The following DGKB variants were observed in gnomAD, a reference collection of about 807,000 sequenced individuals.
The protein encoded by DGKB is diacylglycerol kinase beta, also known as 90 kDa diacylglycerol kinase.
In DGKB, 67 loss-of-function variants were observed where a neutral mutation model predicts 114.3. The ratio of observed to expected loss-of-function variants is 0.59; its 90% CI spans 0.48 to 0.72. The LOEUF (loss-of-function observed/expected upper bound fraction) is 0.72, where lower values mean the gene tolerates loss of function less well. Ranked by LOEUF, DGKB falls within the 30% of genes least tolerant of loss-of-function variation. The pLI is 0.00. For missense variants in DGKB, 907 were observed against 975.2 expected (o/e 0.93, Z 0.93); for synonymous variants, 398 against 323.1 (o/e 1.23, Z -2.49).
chr7:14,461,322 GT>G (rs35867012), intron 21 of DGKB, among the ~76,000 whole-genome samples: 4,421 of 145,186 alleles, frequency 0.03, 207 homozygotes, highest in East Asian at 0.11. Flanking sequence ...TCCAGGAGCT[GT>G]TTTTTTTTTT....
chr7:14,644,766 A>G (rs1812576849), intron 13 of DGKB, among the ~76,000 whole-genome samples: 1 of 152,236 alleles, frequency 6.6e-6, no homozygotes, highest in African/African-American at 2.4e-5. Context: ...AGATGGGGAA[A>G]GACATGGAAA....
intron 20 of DGKB, among the ~76,000 whole-genome samples, chr7:14,485,223 A>G (rs1221907653): frequency 1.3e-5 from 2 of 151,574 alleles, no homozygotes; most frequent in African/African-American, 4.9e-5. Flanking sequence ...GCTCTTCTAA[A>G]TGCGAGCACA....
rs936052466 is a variant in DGKB, at chr7:14,257,178, T to TA, written c.2123-79028dup. On this transcript the variant is annotated intron_variant, in intron 23 of 25. Coordinates refer to ENST00000402815, the MANE Select transcript of DGKB (RefSeq NM_001350709.2). ...TATTCTGTCATTTATTAGAATAAAA[T>TA]AAAAAAATTTATTCTGTTACTAGAA... 7.2e-5 allele frequency among the ~76,000 whole-genome samples: 11 copies of TA among 152,218 alleles called. No individual in the cohort carries two copies. The South Asian group carries it at 1.7e-3, about 23-fold the overall frequency.
intron 8 of DGKB, among the ~76,000 whole-genome samples, chr7:14,696,222 G>A (rs571995159): frequency 2.0e-4 from 31 of 152,150 alleles, no homozygotes; most frequent in Non-Finnish European, 4.3e-4. Context: ...GGCCGGGCGC[G>A]GTGGCTCACG....
intron 13 of DGKB, among the ~76,000 whole-genome samples, chr7:14,631,100 G>A (rs1211431607): frequency 6.6e-6 from 1 of 151,480 alleles, no homozygotes; most frequent in Non-Finnish European, 1.5e-5. Flanking sequence ...TTGTGTCCCT[G>A]AAAAGAAGGA....
intron 20 of DGKB, among the ~76,000 whole-genome samples, chr7:14,524,542 G>A (rs1790319394): frequency 6.6e-6 from 1 of 152,242 alleles, no homozygotes; most frequent in Non-Finnish European, 1.5e-5. Context: ...GAGCACCTGA[G>A]GTCAGGAGTT....
intron 21 of DGKB, among the ~76,000 whole-genome samples, chr7:14,388,629 T>G (rs1029288523): frequency 4.6e-5 from 7 of 151,948 alleles, no homozygotes; most frequent in African/African-American, 1.2e-4. Flanking sequence ...GAAAAATGAT[T>G]GATATTATAT....
Position 14,483,962 on chromosome 7 carries a change from A to G in DGKB, c.1771-5737T>C, listed in dbSNP as rs1015937389. Among the ~76,000 whole-genome samples, 8 of 151,978 alleles carry G rather than the reference A, an allele frequency of 5.3e-5. No individual in the cohort carries two copies. The East Asian group carries it at 5.8e-4, about 11-fold the overall frequency. ...TGTGAGACAATACATTTCTGTTGTT[A>G]TAAGTCAACAGGTTTGTGGTAATTT... is the stretch of plus-strand genomic sequence containing the variant. On this transcript the variant is annotated intron_variant, in intron 20 of 25. Coordinates refer to ENST00000402815, the MANE Select transcript of DGKB (RefSeq NM_001350709.2).
chr7:14,881,786 A>C (rs1164652845), intron 1 of DGKB, among the ~76,000 whole-genome samples: 2 of 152,102 alleles, frequency 1.3e-5, no homozygotes, highest in African/African-American at 2.4e-5. Flanking sequence ...TTCTTCTTTC[A>C]GAAAAATTTA....
At chr7:14,170,098 C>T (rs143666782) in intron 25 of DGKB, among the ~76,000 whole-genome samples, 230 of 143,424 alleles carry the variant, frequency 1.6e-3, no homozygotes, top group African/African-American at 5.5e-3. Flanking sequence ...CACACCATTG[C>T]ACTCCAGCCT....
At chr7:14,789,854 A>G (rs2128504626) in intron 2 of DGKB, among the ~76,000 whole-genome samples, 1 of 152,320 alleles carries the variant, frequency 6.6e-6, no homozygotes, top group African/African-American at 2.4e-5. Context: ...TAGTTTTTTA[A>G]GAAATGGCCA....
intron 21 of DGKB, among the ~76,000 whole-genome samples, chr7:14,463,453 T>C (rs10239079): frequency 0.051 from 7,729 of 152,250 alleles, 485 homozygotes; most frequent in African/African-American, 0.13. Context: ...AAAACCTTCC[T>C]AATCAGCACT....
rs893063438 is a variant in DGKB, at chr7:14,300,994, G to T, written c.2122+37521C>A. The stretch of plus-strand genomic sequence containing the variant: ...TGGATGCAGATTAGATTGGATTTTA[G>T]CTTTCCTACACTATTAAACATCACT... On this transcript the variant is annotated intron_variant, in intron 23 of 25. Coordinates refer to ENST00000402815, the MANE Select transcript of DGKB (RefSeq NM_001350709.2). Among the ~76,000 whole-genome samples the T allele has an allele frequency of 4.1e-4, 63 of 151,856 alleles. 1 individual carries two copies. Among genetic ancestry groups the T allele is most frequent in the Admixed American group, 2.0e-3 (30 of 15,210 alleles).
intron 1 of DGKB, among the ~76,000 whole-genome samples, chr7:14,916,538 T>A (rs894899474): frequency 2.0e-5 from 3 of 152,018 alleles, no homozygotes; most frequent in Non-Finnish European, 4.4e-5. Flanking sequence ...GCAATAAAAA[T>A]TATAAGGGAT....
chr7:14,781,384 T>C (rs1420013552), intron 2 of DGKB, among the ~76,000 whole-genome samples: 3 of 152,182 alleles, frequency 2.0e-5, no homozygotes, highest in African/African-American at 7.2e-5. Flanking sequence ...TGAATGCAAA[T>C]ACTACACATC....
intron 25 of DGKB, among the ~76,000 whole-genome samples, chr7:14,156,829 G>C (rs1190581285): frequency 2.6e-5 from 4 of 152,248 alleles, no homozygotes; most frequent in African/African-American, 4.8e-5. Context: ...CCACCATTCA[G>C]AAATCATTCT....
In DGKB at chr7:14,329,972, G is replaced by GCCACA. The variant is rs1585165680; in HGVS notation, c.2122+8542_2122+8543insTGTGG. 2.6e-5 allele frequency among the ~76,000 whole-genome samples: 4 copies of GCCACA among 152,030 alleles called. No homozygotes were observed. The East Asian group carries it at 7.7e-4, about 29-fold the overall frequency. ...CACTATTTTCAATAGACAGAGGACT[G>GCCACA]GACAACTGTGCCACAGAAACAAATA... is the stretch of plus-strand genomic sequence containing the variant. On this transcript the variant is annotated intron_variant, in intron 23 of 25. Coordinates refer to ENST00000402815, the MANE Select transcript of DGKB (RefSeq NM_001350709.2).
intron 21 of DGKB, among the ~76,000 whole-genome samples, chr7:14,424,758 G>T (rs550171016): frequency 6.6e-6 from 1 of 152,238 alleles, no homozygotes; most frequent in African/African-American, 2.4e-5. Context: ...AATAGGGAAT[G>T]TGAGGCTCAA....
At chr7:14,796,046 G>A (rs1008235354) in intron 2 of DGKB, among the ~76,000 whole-genome samples, 5 of 152,018 alleles carry the variant, frequency 3.3e-5, no homozygotes, top group Non-Finnish European at 7.4e-5. Context: ...AATTAATTCT[G>A]CTAAAATGGA....
Sources: allele counts gnomAD v4.1 joint callset (sites outside exome capture counted in the v4.1 genomes callset), GRCh38; gene constraint gnomAD v4.1.1; transcripts MANE v1.5; gene names NCBI Gene and HGNC (gene_info 2026-07-23, HGNC 2026-07-21).